Variants in JARID2 observed in about 807,000 individuals in gnomAD.
The protein encoded by JARID2 is protein Jumonji.
A neutral mutation model predicts 125.6 loss-of-function variants in JARID2; 21 were observed. The observed-to-expected ratio is 0.17, with a 90% confidence interval of 0.12 to 0.24. The LOEUF (loss-of-function observed/expected upper bound fraction) is 0.24, where lower values mean the gene tolerates loss of function less well. Ranked by LOEUF, JARID2 falls within the 10% of genes least tolerant of loss-of-function variation. The probability of loss-of-function intolerance (pLI) is 1.00; values close to 1 mark genes in which losing one functional copy is unlikely to be tolerated. For missense variants in JARID2, 1,303 were observed against 1,639.6 expected (o/e 0.79, Z 3.55); for synonymous variants, 736 against 661.6 (o/e 1.11, Z -1.73).
intron 5 of JARID2, among the ~76,000 whole-genome samples, chr6:15,473,366 C>T (rs1769170764): frequency 1.3e-5 from 2 of 152,172 alleles, no homozygotes; most frequent in Admixed American, 1.3e-4. Context: ...TCTCCTGGCA[C>T]ATCTGTCAGA....
chr6:15,413,340 G>C (rs929628942), intron 3 of JARID2, among the ~76,000 whole-genome samples: 1 of 152,114 alleles, frequency 6.6e-6, no homozygotes, highest in Admixed American at 6.5e-5. Flanking sequence ...CTGACCATTT[G>C]CATTCTCTTT....
At chr6:15,410,406 G>A (rs754569028) in intron 3 of JARID2, 41 bp downstream of exon 3, 43 of 1,595,408 alleles carry the variant, frequency 2.7e-5, no homozygotes, top group Non-Finnish European at 3.7e-5. Context: ...CTTCAACCAG[G>A]GACTGCAAAC....
intron 1 of JARID2, among the ~76,000 whole-genome samples, chr6:15,350,519 G>A (rs116479016): frequency 1.9e-3 from 291 of 152,214 alleles, no homozygotes; most frequent in African/African-American, 6.5e-3. Flanking sequence ...GATGTGCTCG[G>A]TATTCACATT....
intron 1 of JARID2, among the ~76,000 whole-genome samples, chr6:15,356,552 A>AT (rs143034275): frequency 0.01 from 1,503 of 148,754 alleles, 12 homozygotes; most frequent in Middle Eastern, 0.025. Context: ...AAGGGAGAGC[A>AT]TTTTTTTTTT....
intron 16 of JARID2, among the ~76,000 whole-genome samples, chr6:15,516,120 C>G (rs1265179616): frequency 1.3e-5 from 2 of 151,924 alleles, no homozygotes; most frequent in East Asian, 3.9e-4. Context: ...GTTTCCTGTT[C>G]TTCCTGTCCT....
At chr6:15,421,080 A>G (rs1446956268) in intron 3 of JARID2, among the ~76,000 whole-genome samples, 1 of 151,756 alleles carries the variant, frequency 6.6e-6, no homozygotes, top group Non-Finnish European at 1.5e-5. Context: ...ACATTATATC[A>G]CCTTGGCCTC....
At chr6:15,348,879 T>G (rs1296652827) in intron 1 of JARID2, among the ~76,000 whole-genome samples, 1 of 152,182 alleles carries the variant, frequency 6.6e-6, no homozygotes, top group African/African-American at 2.4e-5. Flanking sequence ...GCGGATGAAT[T>G]AAGCCAATTA....
At chr6:15,515,994 C>CAAA (rs568172506) in intron 16 of JARID2, among the ~76,000 whole-genome samples, 10 of 110,816 alleles carry the variant, frequency 9.0e-5, no homozygotes, top group East Asian at 2.7e-4. Flanking sequence ...GACTCCATCT[C>CAAA]AAAAAAAAAA....
intron 2 of JARID2, among the ~76,000 whole-genome samples, chr6:15,398,476 G>T (rs535120691): frequency 6.6e-6 from 1 of 152,326 alleles, no homozygotes; most frequent in Admixed American, 6.5e-5. Context: ...AGAGGATGCT[G>T]TGAGTCTAAT....
At position 15,429,871 on chromosome 6, in the gene JARID2, T is replaced by C. The variant is rs181221798; in HGVS notation, c.323+19506T>C. On this transcript the variant is annotated intron_variant, in intron 3 of 17. Transcript: ENST00000341776. ...ACATCTGACCACAGGGAAGCCAAAA[T>C]GTACCGTGTAAATTTTACTCCTTGG... 7.2e-5 allele frequency among the ~76,000 whole-genome samples: 11 copies of C among 152,298 alleles called. No individual in the cohort carries two copies. The East Asian group carries it at 2.1e-3, about 29-fold the overall frequency.
At chr6:15,316,010 T>G (rs1762168236) in intron 1 of JARID2, among the ~76,000 whole-genome samples, 1 of 151,242 alleles carries the variant, frequency 6.6e-6, no homozygotes, top group Non-Finnish European at 1.5e-5. Context: ...GAGTCCTGCT[T>G]CCTTTTTTTT....
intron 3 of JARID2, among the ~76,000 whole-genome samples, chr6:15,419,110 A>G (rs1766370199): frequency 1.3e-5 from 2 of 152,230 alleles, no homozygotes; most frequent in Admixed American, 1.3e-4. Context: ...ATAATTTACT[A>G]TTAAATGCAA....
intron 1 of JARID2, among the ~76,000 whole-genome samples, chr6:15,292,421 A>C (rs571434755): frequency 2.6e-4 from 39 of 152,268 alleles, no homozygotes; most frequent in African/African-American, 8.7e-4. Context: ...AGTTTTCTTT[A>C]ACTATTACAC....
At chr6:15,349,980 G>A (rs562240946) in intron 1 of JARID2, among the ~76,000 whole-genome samples, 2 of 152,224 alleles carry the variant, frequency 1.3e-5, no homozygotes, top group Admixed American at 1.3e-4. Flanking sequence ...TTGTGGTCCC[G>A]TATTATTGGT....
At chr6:15,407,155 G>C (rs962653538) in intron 2 of JARID2, among the ~76,000 whole-genome samples, 5 of 152,068 alleles carry the variant, frequency 3.3e-5, no homozygotes, top group Admixed American at 3.3e-4. Context: ...CCAGCCATTC[G>C]GGAGGCTGGC....
At chr6:15,497,348 G>T in intron 7 of JARID2, among the ~76,000 whole-genome samples, 178 bp downstream of exon 7, 1 of 152,200 alleles carries the variant, frequency 6.6e-6, no homozygotes, top group East Asian at 1.9e-4. Flanking sequence ...CAGGTCCTGG[G>T]CGTTGGTGGC....
chr6:15,361,630 G>T (rs1763795053), intron 1 of JARID2, among the ~76,000 whole-genome samples: 4 of 151,238 alleles, frequency 2.6e-5, no homozygotes, highest in Admixed American at 2.6e-4. Context: ...TTTTTTTTTG[G>T]CGGGAGGGTG....
chr6:15,438,721 T>G (rs1767319661), intron 3 of JARID2, among the ~76,000 whole-genome samples: 1 of 152,120 alleles, frequency 6.6e-6, no homozygotes, highest in Non-Finnish European at 1.5e-5. Flanking sequence ...TATCCTTCTA[T>G]CTGCTCCATT....
chr6:15,300,683 TTGTGTGTGTGTGTGTGTGTGTGTG>T (rs35433395), intron 1 of JARID2, among the ~76,000 whole-genome samples: 2 of 114,404 alleles, frequency 1.7e-5, no homozygotes, highest in Non-Finnish European at 3.7e-5. Flanking sequence ...TGTCCTCATG[TTGTGTGTGTGTGTGTGTGTGTGTG>T]TGTGTGTGTG....
Sources: gnomAD v4.1 joint callset for allele counts (sites outside exome capture counted in the v4.1 genomes callset) on GRCh38, gnomAD v4.1.1 for gene constraint, MANE v1.5 for transcripts, NCBI Gene and HGNC (gene_info 2026-07-23, HGNC 2026-07-21) for gene names.